ELFN1: variants seen among roughly 807,000 people sequenced by gnomAD.
The protein encoded by ELFN1 is extracellular leucine rich repeat and fibronectin type III domain containing 1, also known as protein ELFN1.
ELFN1 carries 6 observed loss-of-function variants against 7.6 expected under a neutral mutation model. The ratio of observed to expected loss-of-function variants is 0.79; its 90% CI spans 0.43 to 1.56. ELFN1 has a LOEUF of 1.56. ELFN1 is among the 40% of genes most tolerant of loss of function. ELFN1 has a pLI of 0.01. For missense variants in ELFN1, 1,169 were observed against 1,232.2 expected (o/e 0.95, Z 0.77); for synonymous variants, 657 against 588.1 (o/e 1.12, Z -1.70).
chr7:1,701,094 T>C (rs1293513881), intron 2 of ELFN1, among the ~76,000 whole-genome samples: 2 of 152,006 alleles, frequency 1.3e-5, no homozygotes, highest in African/African-American at 2.4e-5. Flanking sequence ...TGTGTGCGCG[T>C]GTGTGTGCGC....
intron 3 of ELFN1, among the ~76,000 whole-genome samples, chr7:1,711,870 G>A (rs1305872964): frequency 2.0e-5 from 3 of 152,180 alleles, no homozygotes; most frequent in Admixed American, 1.3e-4. Context: ...GGGAGGGGGC[G>A]GCAGCTCGGA....
chr7:1,712,242 G>A (rs1011200277), intron 3 of ELFN1, among the ~76,000 whole-genome samples: 1 of 152,126 alleles, frequency 6.6e-6, no homozygotes, highest in Non-Finnish European at 1.5e-5. Flanking sequence ...GGAGTGCAGT[G>A]GCCTGAGTAG....
At chr7:1,702,240 C>G (rs191014350) in intron 2 of ELFN1, among the ~76,000 whole-genome samples, 1 of 152,050 alleles carries the variant, frequency 6.6e-6, no homozygotes, top group Non-Finnish European at 1.5e-5. Flanking sequence ...CTGGCTAACA[C>G]GGTGAAACTC....
rs1176906878 is a variant in ELFN1 at position 1,745,618 on chromosome 7, G to A, written c.1022G>A (p.Arg341Gln). Residue 341 changes from arginine (R) to glutamine (Q), a missense_variant, in exon 4 of 4, where the codon CGG becomes CAG. Arg to Gln is a conservative substitution (Grantham distance 43). Transcript: ENST00000424383. Reference protein sequence around the residue: ...ITVQLPSPFHRMYTLEHFNNS... With the variant: ...ITVQLPSPFHQMYTLEHFNNS... ...GTCCAGCTGCCCAGCCCGTTCCACC[G>A]GATGTACACCCTGGAGCATTTCAAC... 7.7e-6 allele frequency: 12 copies of A among 1,550,842 alleles called. No homozygotes were observed. The East Asian group carries it at 1.2e-4, about 16-fold the overall frequency.
intron 3 of ELFN1, among the ~76,000 whole-genome samples, chr7:1,721,325 A>T (rs543743492): frequency 6.6e-6 from 1 of 152,150 alleles, no homozygotes; most frequent in Non-Finnish European, 1.5e-5. Flanking sequence ...CTCAGGGAAA[A>T]TCCCTTTCCC....
At chr7:1,715,859 G>A (rs141901654) in intron 3 of ELFN1, among the ~76,000 whole-genome samples, 19 of 152,276 alleles carry the variant, frequency 1.2e-4, no homozygotes, top group East Asian at 5.8e-4. Flanking sequence ...CATCCCTGCC[G>A]CAGAGTTTGT....
In ELFN1 at chr7:1,747,103, G is replaced by A. The variant is rs2128607727; in HGVS notation, c.*20G>A. On this transcript the variant is annotated 3_prime_UTR_variant, in exon 4 of 4. Transcript: ENST00000424383. ...TCCTGAGCCCCCCAAGACCGGCGATGCCCACTGGACCAAAAAGGATGCAGG... is the reference window on the plus strand; with the variant it reads ...TCCTGAGCCCCCCAAGACCGGCGATACCCACTGGACCAAAAAGGATGCAGG... 1.4e-6 allele frequency: 2 copies of A among 1,455,848 alleles called. No individual in the cohort carries two copies. Among genetic ancestry groups the A allele is most frequent in the East Asian group, 5.3e-5 (2 of 37,584 alleles). 90.2% of individuals were successfully genotyped at this position (1,455,848 alleles called of 1,614,324 possible).
At chr7:1,703,752 C>A (rs1313637137) in intron 2 of ELFN1, among the ~76,000 whole-genome samples, 4 of 152,194 alleles carry the variant, frequency 2.6e-5, no homozygotes, top group African/African-American at 9.7e-5. Flanking sequence ...TACTGGCAGC[C>A]TCTGCCTGAG....
In ELFN1 at chr7:1,745,362, G is replaced by A. The variant is rs755536565; in HGVS notation, c.766G>A (p.Ala256Thr). The change falls in exon 4 of 4, where the codon GCG becomes ACG. Residue 256 changes from alanine to threonine, a missense_variant. Ala to Thr is a moderately conservative substitution (Grantham distance 58, BLOSUM62 0). Coordinates refer to ENST00000424383, the MANE Select transcript of ELFN1 (RefSeq NM_001128636.4). ...GTCAGTCTGCACCGAGGACTCGTACGCGGCTGAGGTGGTCGGGCCCCCACG... is the reference window on the plus strand; with the variant it reads ...GTCAGTCTGCACCGAGGACTCGTACACGGCTGAGGTGGTCGGGCCCCCACG... ...LQSVCTEDSY[A>T]AEVVGPPRPA... The A allele has an allele frequency of 5.8e-6, 9 of 1,539,298 alleles. No individual in the cohort carries two copies. The South Asian group carries it at 1.1e-4, about 18-fold the overall frequency.
chr7:1,674,421 G>A (rs189795607), intron 1 of ELFN1, among the ~76,000 whole-genome samples: 21 of 152,284 alleles, frequency 1.4e-4, no homozygotes, highest in Admixed American at 1.0e-3. Flanking sequence ...CAGGACTCAC[G>A]GCTTCCAGGC....
rs775822166 is a variant in ELFN1 at position 1,746,970 on chromosome 7, G to A, written c.2374G>A (p.Glu792Lys). The A allele has an allele frequency of 3.9e-6, 6 of 1,556,256 alleles. No individual in the cohort carries two copies. The South Asian group carries it at 6.0e-5, about 15-fold the overall frequency. Residue 792 changes from glutamate (E) to lysine (K), a missense_variant, in exon 4 of 4, where the codon GAG becomes AAG. By Grantham distance (56) the Glu-to-Lys change is moderately conservative. Around this residue, in one of 2 missense-constraint regions of ELFN1, gnomAD observed 914 missense variants for 872.6 expected, o/e 1.05. Coordinates refer to ENST00000424383, the MANE Select transcript of ELFN1 (RefSeq NM_001128636.4). Reference sequence around the variant, plus strand: ...CCGCCGGCGGCACAAGGAGGAAGAGGAGTTCATGGCCGCGGGCCATGCCCT... The same window carrying A: ...CCGCCGGCGGCACAAGGAGGAAGAGAAGTTCATGGCCGCGGGCCATGCCCT... Reference protein sequence around the residue: ...LSRRRHKEEEEFMAAGHALRK... With the variant: ...LSRRRHKEEEKFMAAGHALRK...
chr7:1,718,061 A>G (rs1779888333), intron 3 of ELFN1, among the ~76,000 whole-genome samples: 1 of 152,184 alleles, frequency 6.6e-6, no homozygotes, highest in African/African-American at 2.4e-5. Context: ...CTCTGTCACC[A>G]TCACCTGCAG....
rs1250357601 is a variant in ELFN1, at chr7:1,695,339, C to T, written c.-456+7189C>T. ...GGGCTGCAGCTCAGGGCTCAGGTGT[C>T]CGCGTCGAGGGCACTCCCTAAAGGG... On this transcript the variant is annotated intron_variant, in intron 2 of 3. Coordinates refer to ENST00000424383, the MANE Select transcript of ELFN1 (RefSeq NM_001128636.4). The surrounding 1 kb of genome is among the most constrained non-coding windows in gnomAD (Gnocchi z 5.1). 2.0e-5 allele frequency among the ~76,000 whole-genome samples: 3 copies of T among 152,200 alleles called. No homozygotes were observed. The highest frequency in any genetic ancestry group is 4.4e-5 in the Non-Finnish European group (3 of 68,032).
At chr7:1,671,815 A>G (rs1778772773) in intron 1 of ELFN1, among the ~76,000 whole-genome samples, 2 of 152,170 alleles carry the variant, frequency 1.3e-5, no homozygotes, top group Admixed American at 6.5e-5. Context: ...CCACTCCACC[A>G]AAGCAGGGGG....
At chr7:1,724,254 C>CA (rs1780112523) in intron 3 of ELFN1, among the ~76,000 whole-genome samples, 1 of 152,176 alleles carries the variant, frequency 6.6e-6, no homozygotes, top group Non-Finnish European at 1.5e-5. Flanking sequence ...GGTCTGAAAC[C>CA]AAACCCTTCA....
In ELFN1 at chr7:1,673,297, G is replaced by T. The variant is rs1298001302; in HGVS notation, c.-549+2943G>T. Among the ~76,000 whole-genome samples the T allele has an allele frequency of 6.6e-6, 1 of 152,118 alleles. No individual in the cohort carries two copies. Among genetic ancestry groups the T allele is most frequent in the Non-Finnish European group, 1.5e-5 (1 of 68,024 alleles). ...GTGGGGCCGGAGAGGGTGGTGGAGG[G>T]GTCCTATGTCTGGCGTCTGTGTCCT... On this transcript the variant is annotated intron_variant, in intron 1 of 3. Coordinates refer to ENST00000424383, the MANE Select transcript of ELFN1 (RefSeq NM_001128636.4). This position sits in a 1 kb window ranked among gnomAD's most constrained non-coding sequence, Gnocchi z 4.7.
chr7:1,690,522 G>A (rs116666820), intron 2 of ELFN1, among the ~76,000 whole-genome samples: 1,989 of 151,878 alleles, frequency 0.013, 44 homozygotes, highest in African/African-American at 0.046. Flanking sequence ...ATGGATTGGT[G>A]GGTGGATGCT....
At chr7:1,714,308 G>C (rs116318051) in intron 3 of ELFN1, among the ~76,000 whole-genome samples, 1 of 152,022 alleles carries the variant, frequency 6.6e-6, no homozygotes, top group African/African-American at 2.4e-5. Flanking sequence ...AGCCCTGCCC[G>C]CTCCCCCTGC....
At chr7:1,682,958 G>A (rs1056902886) in intron 1 of ELFN1, among the ~76,000 whole-genome samples, 1 of 152,154 alleles carries the variant, frequency 6.6e-6, no homozygotes, top group African/African-American at 2.4e-5. Context: ...CTATTAAGGG[G>A]ATCAAAATTA....
Sources: allele counts gnomAD v4.1 joint callset (sites outside exome capture counted in the v4.1 genomes callset), GRCh38; gene constraint gnomAD v4.1.1; regional missense constraint gnomAD v4.1.1; non-coding constraint Gnocchi (gnomAD v3.1); transcripts MANE v1.5; gene names NCBI Gene and HGNC (gene_info 2026-07-23, HGNC 2026-07-21).